Variants in FHIT observed in about 807,000 individuals in gnomAD.
FHIT encodes the protein bis(5'-adenosyl)-triphosphatase.
In FHIT, 19 loss-of-function variants were observed where a neutral mutation model predicts 17.9. That is an observed-to-expected ratio of 1.06 (90% CI 0.74 to 1.56). FHIT has a LOEUF of 1.56. Among genes scored for constraint, FHIT ranks in the 40% most tolerant of loss-of-function variants. The pLI is 0.00. For missense variants in FHIT, 248 were observed against 189.2 expected (o/e 1.31, Z -1.82); for synonymous variants, 81 against 69.7 (o/e 1.16, Z -0.81).
At chr3:60,723,188 G>C (rs782379828) in intron 4 of FHIT, among the ~76,000 whole-genome samples, 1 of 152,128 alleles carries the variant, frequency 6.6e-6, no homozygotes, top group Non-Finnish European at 1.5e-5. Context: ...AACACCTTTT[G>C]CACATATAGG....
chr3:60,331,383 T>C (rs1475729456), intron 5 of FHIT, among the ~76,000 whole-genome samples: 1 of 152,324 alleles, frequency 6.6e-6, no homozygotes, highest in Admixed American at 6.5e-5. Flanking sequence ...ACTGCCCTTT[T>C]CATATCTCTT....
intron 3 of FHIT, among the ~76,000 whole-genome samples, chr3:60,862,519 C>T (rs1341293394): frequency 6.6e-6 from 1 of 152,084 alleles, no homozygotes; most frequent in African/African-American, 2.4e-5. Context: ...GAATTGACCA[C>T]TGCAATAGGC....
intron 5 of FHIT, among the ~76,000 whole-genome samples, chr3:60,463,608 G>C (rs1351904463): frequency 6.6e-6 from 1 of 152,136 alleles, no homozygotes; most frequent in African/African-American, 2.4e-5. Context: ...GAAAGGAAGG[G>C]GACGTGTAAC....
chr3:61,209,674 A>G (rs549568447), intron 1 of FHIT, among the ~76,000 whole-genome samples: 12 of 152,244 alleles, frequency 7.9e-5, no homozygotes, highest in African/African-American at 2.6e-4. Context: ...AAGTCCTTTA[A>G]GGACTTCTGT....
chr3:60,867,031 G>A (rs1553754009), intron 3 of FHIT, among the ~76,000 whole-genome samples: 2 of 152,130 alleles, frequency 1.3e-5, no homozygotes, highest in African/African-American at 4.8e-5. Flanking sequence ...CACAAAGTAT[G>A]CATGACCCTC....
chr3:60,441,148 G>T (rs369919284), intron 5 of FHIT, among the ~76,000 whole-genome samples: 21 of 151,604 alleles, frequency 1.4e-4, no homozygotes, highest in East Asian at 9.8e-4. Flanking sequence ...AGACAGAAAA[G>T]AATTTAAAAA....
chr3:61,215,074 A>G (rs1402117444), intron 1 of FHIT, among the ~76,000 whole-genome samples: 1 of 151,626 alleles, frequency 6.6e-6, no homozygotes, highest in Non-Finnish European at 1.5e-5. Flanking sequence ...AAAAACTGGA[A>G]GCATTCCCTT....
At chr3:60,818,733 C>T (rs984038113) in intron 4 of FHIT, among the ~76,000 whole-genome samples, 1 of 152,088 alleles carries the variant, frequency 6.6e-6, no homozygotes, top group African/African-American at 2.4e-5. Flanking sequence ...GATTTGGGAG[C>T]TTCCCCTCTC....
intron 5 of FHIT, among the ~76,000 whole-genome samples, chr3:60,181,514 A>G (rs1282952432): frequency 6.6e-6 from 1 of 152,174 alleles, no homozygotes; most frequent in African/African-American, 2.4e-5. Context: ...GGAATTTCCC[A>G]AGGATATATA....
At chr3:60,670,419 G>A (rs1434009394) in intron 4 of FHIT, among the ~76,000 whole-genome samples, 2 of 152,160 alleles carry the variant, frequency 1.3e-5, no homozygotes, top group Admixed American at 6.5e-5. Flanking sequence ...TTATTTCTCA[G>A]TGTCTCCTCC....
intron 5 of FHIT, among the ~76,000 whole-genome samples, chr3:60,377,505 C>A (rs4679477): frequency 9.8e-6 from 1 of 102,160 alleles, no homozygotes; most frequent in East Asian, 2.9e-4. Flanking sequence ...GACGGAGTCT[C>A]GCTCTGTCGC....
intron 4 of FHIT, among the ~76,000 whole-genome samples, chr3:60,754,076 G>A (rs968187789): frequency 6.6e-6 from 1 of 152,156 alleles, no homozygotes; most frequent in Non-Finnish European, 1.5e-5. Flanking sequence ...AATCCTTATG[G>A]TGTAGTCTTC....
chr3:60,117,701 G>T (rs374904028), intron 5 of FHIT, among the ~76,000 whole-genome samples: 2 of 152,112 alleles, frequency 1.3e-5, no homozygotes, highest in East Asian at 3.9e-4. Context: ...ATGAACAGAC[G>T]CGCAGAGAAT....
At chr3:60,472,407 T>C (rs1324111103) in intron 5 of FHIT, among the ~76,000 whole-genome samples, 1 of 151,662 alleles carries the variant, frequency 6.6e-6, no homozygotes, top group Non-Finnish European at 1.5e-5. Flanking sequence ...CTTGCTTTGT[T>C]GCCCAGGCTG....
intron 5 of FHIT, among the ~76,000 whole-genome samples, chr3:60,528,043 A>T (rs2035639210): frequency 6.6e-6 from 1 of 152,216 alleles, no homozygotes; most frequent in South Asian, 2.1e-4. Flanking sequence ...GTGCAATCAC[A>T]GCTTACTATA....
At chr3:61,037,284 T>A (rs553555874) in intron 3 of FHIT, among the ~76,000 whole-genome samples, 2 of 152,306 alleles carry the variant, frequency 1.3e-5, no homozygotes, top group South Asian at 2.1e-4. Flanking sequence ...TGCTTGGCTC[T>A]GGTGTCAGAG....
intron 8 of FHIT, among the ~76,000 whole-genome samples, chr3:59,781,779 G>C (rs1258033695): frequency 1.3e-5 from 2 of 152,182 alleles, no homozygotes; most frequent in African/African-American, 4.8e-5. Context: ...ATGAAGATTA[G>C]CTTAGTGCTT....
At chr3:60,158,494 T>A (rs1416042901) in intron 5 of FHIT, among the ~76,000 whole-genome samples, 2 of 152,090 alleles carry the variant, frequency 1.3e-5, no homozygotes, top group African/African-American at 4.8e-5. Flanking sequence ...GTATTTTTAG[T>A]AGAGATGGGG....
intron 5 of FHIT, among the ~76,000 whole-genome samples, chr3:60,120,600 G>A (rs1321708678): frequency 6.6e-6 from 1 of 152,206 alleles, no homozygotes; most frequent in Non-Finnish European, 1.5e-5. Flanking sequence ...GAGAATGTAA[G>A]CTTAATTGTG....
Sources: allele counts gnomAD v4.1 joint callset (sites outside exome capture counted in the v4.1 genomes callset), GRCh38; gene constraint gnomAD v4.1.1; transcripts MANE v1.5; gene names NCBI Gene and HGNC (gene_info 2026-07-23, HGNC 2026-07-21).